Variants in WDR44 observed in about 807,000 individuals in gnomAD.
WDR44 encodes the protein WD repeat-containing protein 44.
In WDR44, 9 loss-of-function variants were observed where a neutral mutation model predicts 65.7. The ratio of observed to expected loss-of-function variants is 0.14; its 90% CI spans 0.08 to 0.24. The LOEUF (loss-of-function observed/expected upper bound fraction) is 0.24, where lower values mean the gene tolerates loss of function less well. Ranked by LOEUF, WDR44 falls within the 10% of genes least tolerant of loss-of-function variation. WDR44 has a pLI of 1.00. For missense variants in WDR44, 425 were observed against 670.9 expected, an observed-to-expected ratio of 0.63 and a Z score of 4.05; for synonymous variants, 220 against 235.2, an observed-to-expected ratio of 0.94 and a Z score of 0.59.
At chrX:118,404,711 G>GTTTA (rs2056947548) in intron 9 of WDR44, among the ~76,000 whole-genome samples, 1 of 111,650 alleles carries the variant, frequency 9.0e-6, no homozygotes, top group South Asian at 3.7e-4. Context: ...TTGTTTGTTT[G>GTTTA]TTTATTTGAG....
intron 10 of WDR44, among the ~76,000 whole-genome samples, chrX:118,408,233 T>C (rs1448209042): frequency 9.0e-6 from 1 of 110,904 alleles, no homozygotes; most frequent in African/African-American, 3.3e-5. Context: ...ATTTGGTCTT[T>C]CCAACTTAAG....
At chrX:118,405,738 A>T (rs1602933907) in intron 9 of WDR44, among the ~76,000 whole-genome samples, 1 of 112,276 alleles carries the variant, frequency 8.9e-6, no homozygotes, top group East Asian at 2.8e-4. Context: ...TTTTAAAAAT[A>T]TATAAAAAAT....
chrX:118,396,522 A>G (rs184568181), intron 6 of WDR44, among the ~76,000 whole-genome samples: 2 of 112,537 alleles, frequency 1.8e-5, no homozygotes, highest in Admixed American at 1.9e-4. Context: ...CAACATGGAT[A>G]AACCTTGAAA....
At chrX:118,399,767 C>A (rs1386606065) in intron 8 of WDR44, among the ~76,000 whole-genome samples, 1 of 111,364 alleles carries the variant, frequency 9.0e-6, no homozygotes, top group Non-Finnish European at 1.9e-5. Context: ...ATAAGAATGT[C>A]AGGTAATCAG....
intron 14 of WDR44, among the ~76,000 whole-genome samples, chrX:118,438,606 G>A (rs763374240): frequency 1.8e-5 from 2 of 109,016 alleles, no homozygotes; most frequent in South Asian, 8.0e-4. Context: ...ACTATGCCTA[G>A]CTAATTTTTG....
At chrX:118,413,156 G>A (rs1339069880) in intron 12 of WDR44, among the ~76,000 whole-genome samples, 2 of 112,177 alleles carry the variant, frequency 1.8e-5, no homozygotes, top group African/African-American at 6.5e-5. Context: ...ATAAACGTGC[G>A]TGTGCAAGTA....
chrX:118,416,433 A>G lies in WDR44; in HGVS notation c.1737+5474A>G, dbSNP rs180964480. Among the ~76,000 whole-genome samples the G allele has an allele frequency of 9.4e-3, 1,052 of 111,695 alleles. 11 individuals carry two copies. Among genetic ancestry groups the G allele is most frequent in the Non-Finnish European group, 0.012 (652 of 53,124 alleles). On this transcript the variant is annotated intron_variant, in intron 12 of 19. Transcript: ENST00000254029. ...ATTTTTTAATTTCCATCTTGATTTC[A>G]TTTTTGACCGAGTGCTCATTCAGGA...
chrX:118,442,507 G>T, intron 16 of WDR44, 58 bp from the exon 17 acceptor site: 6 of 1,087,401 alleles, frequency 5.5e-6, no homozygotes, highest in African/African-American at 3.6e-5. Flanking sequence ...TTTTTGGGTT[G>T]TAGCTTAGCT....
intron 8 of WDR44, among the ~76,000 whole-genome samples, chrX:118,401,952 C>T (rs1323847895): frequency 1.8e-5 from 2 of 110,274 alleles, no homozygotes; most frequent in Admixed American, 9.8e-5. Context: ...TTTTTTTTCT[C>T]GTAAAAGCGG....
At chrX:118,387,475 TCAAA>T in intron 3 of WDR44, 61 bp downstream of exon 3, 1 of 865,813 alleles carries the variant, frequency 1.2e-6, no homozygotes, top group Non-Finnish European at 1.6e-6. Flanking sequence ...ATGGTATATT[TCAAA>T]CAGCTTTTAT....
At chrX:118,414,885 G>C (rs989820698) in intron 12 of WDR44, among the ~76,000 whole-genome samples, 9 of 111,496 alleles carry the variant, frequency 8.1e-5, no homozygotes, top group Non-Finnish European at 1.7e-4. Flanking sequence ...TCTCTTGTCT[G>C]ATTGCTCTGG....
chrX:118,432,324 C>T lies in WDR44; in HGVS notation c.1738-457C>T, dbSNP rs982432231. Among the ~76,000 whole-genome samples the T allele has an allele frequency of 2.7e-5, 3 of 111,348 alleles. No individual in the cohort carries two copies. In the Admixed American group the frequency reaches 2.9e-4, roughly 11 times the overall value. On this transcript the variant is annotated intron_variant, in intron 12 of 19. Coordinates refer to ENST00000254029, the MANE Select transcript of WDR44 (RefSeq NM_019045.5). The stretch of plus-strand genomic sequence containing the variant: ...AAAGGAGGAGTCCTATTAGTATGAC[C>T]CTCTTTAAGGGTGAGAAAATCTCTC...
intron 3 of WDR44, 39 bp downstream of exon 3, chrX:118,387,453 C>G: frequency 1.0e-6 from 1 of 1,003,150 alleles, no homozygotes; most frequent in Non-Finnish European, 1.4e-6. Flanking sequence ...TTATAGCAGA[C>G]ATCATATTTA....
At chrX:118,418,435 C>T (rs1165339976) in intron 12 of WDR44, among the ~76,000 whole-genome samples, 3 of 110,831 alleles carry the variant, frequency 2.7e-5, no homozygotes, top group African/African-American at 9.9e-5. Flanking sequence ...AGCCGAGCTG[C>T]AGGGATTGTT....
At position 118,393,025 on chromosome X, in the gene WDR44, T is replaced by A. The variant is rs1569367523; in HGVS notation, c.580T>A (p.Ser194Thr). Reference sequence around the variant, plus strand: ...AGGTGGTGATGTTTTAGAGCCTGTGTCCTCAGACTCCTTATCTACTAAAGA... The same window carrying A: ...AGGTGGTGATGTTTTAGAGCCTGTGACCTCAGACTCCTTATCTACTAAAGA... ...KGGGDVLEPVSSDSLSTKDFA... is the reference protein window; with the variant it reads ...KGGGDVLEPVTSDSLSTKDFA... The change falls in exon 4 of 20, where the codon TCC becomes ACC. Residue 194 changes from serine (S) to threonine (T), a missense_variant. Around this residue, in one of 5 missense-constraint regions of WDR44, gnomAD observed 193 missense variants for 209.0 expected, o/e 0.92. Coordinates refer to ENST00000254029, the MANE Select transcript of WDR44 (RefSeq NM_019045.5). 1 of 1,211,751 alleles carries A rather than the reference T, an allele frequency of 8.3e-7. No individual in the cohort carries two copies. Among genetic ancestry groups the A allele is most frequent in the Admixed American group, 2.2e-5 (1 of 46,041 alleles).
intron 2 of WDR44, among the ~76,000 whole-genome samples, 179 bp downstream of exon 2, chrX:118,378,631 T>C (rs371259444): frequency 9.0e-6 from 1 of 110,935 alleles, no homozygotes; most frequent in Admixed American, 9.7e-5. Flanking sequence ...CTAAATATTA[T>C]GCTGTAAAGA....
chrX:118,370,254 T>A (rs186790651), intron 1 of WDR44, among the ~76,000 whole-genome samples: 1 of 111,515 alleles, frequency 9.0e-6, no homozygotes, highest in Admixed American at 9.5e-5. Context: ...GCAAAACATA[T>A]GGTTTAGATG....
At chrX:118,408,446 G>A (rs2056986363) in intron 10 of WDR44, among the ~76,000 whole-genome samples, 1 of 108,940 alleles carries the variant, frequency 9.2e-6, no homozygotes, top group Non-Finnish European at 1.9e-5. Context: ...CACCCAGGCT[G>A]GAGTGCAGGG....
chrX:118,425,658 A>G (rs1276832553), intron 12 of WDR44, among the ~76,000 whole-genome samples: 1 of 111,883 alleles, frequency 8.9e-6, no homozygotes, highest in African/African-American at 3.2e-5. Context: ...AAAAAAAAAG[A>G]TAAGAAATGT....
Sources: allele counts gnomAD v4.1 joint callset (sites outside exome capture counted in the v4.1 genomes callset), GRCh38; gene constraint gnomAD v4.1.1; regional missense constraint gnomAD v4.1.1; transcripts MANE v1.5; gene names NCBI Gene and HGNC (gene_info 2026-07-23, HGNC 2026-07-21).